The following CPLANE1 variants were observed in gnomAD, a reference collection of about 807,000 sequenced individuals.
CPLANE1 encodes the protein ciliogenesis and planar polarity effector complex subunit 1, also known as ciliogenesis and planar polarity effector 1.
Under a neutral mutation model 362.5 loss-of-function variants are expected in CPLANE1, and 263 were observed. The ratio of observed to expected loss-of-function variants is 0.73; its 90% CI spans 0.66 to 0.80. The LOEUF is 0.80. CPLANE1 is among the 30% of genes least tolerant of loss of function. The pLI is 0.00. For missense variants in CPLANE1, 3,461 were observed against 3,793.4 expected, an observed-to-expected ratio of 0.91 and a Z score of 2.30; for synonymous variants, 1,212 against 1,302.6, an observed-to-expected ratio of 0.93 and a Z score of 1.50.
At chr5:37,228,422 AG>A (rs1434788067) in intron 9 of CPLANE1, among the ~76,000 whole-genome samples, 1 of 152,178 alleles carries the variant, frequency 6.6e-6, no homozygotes, top group Admixed American at 6.5e-5. Flanking sequence ...TTTTCTGGTT[AG>A]GCAACTATTC....
intron 2 of CPLANE1, 47 bp downstream of exon 2, chr5:37,247,571 A>G (rs1379769409): frequency 6.7e-7 from 1 of 1,482,088 alleles, no homozygotes; most frequent in African/African-American, 1.4e-5. Context: ...CAAAACACAC[A>G]TATAACATAT....
At chr5:37,120,156 T>G in intron 50 of CPLANE1, 60 bp downstream of exon 50, 9 of 1,535,520 alleles carry the variant, frequency 5.9e-6, no homozygotes, top group South Asian at 2.5e-5. Flanking sequence ...AAACACAACT[T>G]TGGAGACAAG....
At chr5:37,248,793 G>A (rs1469891687) in intron 1 of CPLANE1, among the ~76,000 whole-genome samples, 1 of 152,218 alleles carries the variant, frequency 6.6e-6, no homozygotes, top group Non-Finnish European at 1.5e-5. Flanking sequence ...TAGTATCAGC[G>A]CTGCTAAAAT....
At chr5:37,165,207 G>T (rs1030893575) in intron 36 of CPLANE1, among the ~76,000 whole-genome samples, 2 of 152,178 alleles carry the variant, frequency 1.3e-5, no homozygotes, top group Non-Finnish European at 2.9e-5. Flanking sequence ...TCAGAGAACG[G>T]TGAAACTGTA....
At chr5:37,085,998 A>G in the CPLANE1 span, 1 of 592,024 alleles carries the variant, frequency 1.7e-6, no homozygotes, top group African/African-American at 1.9e-5. Flanking sequence ...CAACAGGAAA[A>G]TATCACAATC....
downstream of CPLANE1, among the ~76,000 whole-genome samples, chr5:37,102,049 G>T: frequency 6.6e-6 from 1 of 151,650 alleles, no homozygotes; most frequent in Non-Finnish European, 1.5e-5. Flanking sequence ...ACAACTCCTG[G>T]ATTAATTTTT....
At chr5:37,085,889 A>T in the CPLANE1 span, 1 of 868,956 alleles carries the variant, frequency 1.2e-6, no homozygotes, top group Non-Finnish European at 1.9e-6. Context: ...CTTTGTACAT[A>T]ATTAAAAATA....
At chr5:37,239,028 G>A in intron 7 of CPLANE1, 68 bp from the exon 8 acceptor site, 1 of 773,224 alleles carries the variant, frequency 1.3e-6, no homozygotes, top group Non-Finnish European at 2.0e-6. Flanking sequence ...TTATAATTCT[G>A]GTGACACAGA....
intron 20 of CPLANE1, among the ~76,000 whole-genome samples, chr5:37,198,340 A>ACCCACAGAAGGC (rs1298992957): frequency 6.6e-6 from 1 of 152,182 alleles, no homozygotes; most frequent in Non-Finnish European, 1.5e-5. Flanking sequence ...CATTCTCTGA[A>ACCCACAGAAGGC]CCCACAGAAG....
chr5:37,244,103 G>A (rs1738666393), intron 5 of CPLANE1, among the ~76,000 whole-genome samples: 1 of 152,004 alleles, frequency 6.6e-6, no homozygotes, highest in Non-Finnish European at 1.5e-5. Flanking sequence ...ACCCGCCTCA[G>A]CCTCCCAAAG....
At chr5:37,079,885 T>C in the CPLANE1 span, among the ~76,000 whole-genome samples, 2 of 152,222 alleles carry the variant, frequency 1.3e-5, no homozygotes, top group Non-Finnish European at 2.9e-5. Context: ...TGTTGAGAAA[T>C]GGAAAATGGT....
chr5:37,086,874 G>T, the CPLANE1 span, among the ~76,000 whole-genome samples: 3 of 152,152 alleles, frequency 2.0e-5, no homozygotes, highest in Admixed American at 1.3e-4. Flanking sequence ...TCCCCCACAG[G>T]TGGTGACCCC....
intron 31 of CPLANE1, among the ~76,000 whole-genome samples, chr5:37,175,208 G>A (rs1780834719): frequency 6.6e-6 from 1 of 152,178 alleles, no homozygotes; most frequent in Admixed American, 6.5e-5. Flanking sequence ...CACTCAGGAA[G>A]GCCTTGGGAC....
intron 46 of CPLANE1, among the ~76,000 whole-genome samples, chr5:37,129,971 T>C (rs1435421259): frequency 2.0e-5 from 3 of 152,150 alleles, no homozygotes; most frequent in Non-Finnish European, 2.9e-5. Flanking sequence ...CAATTCGCAA[T>C]TGCAAAAATA....
chr5:37,104,548 C>T (rs978765267), downstream of CPLANE1, among the ~76,000 whole-genome samples: 2 of 151,560 alleles, frequency 1.3e-5, no homozygotes, highest in African/African-American at 4.9e-5. Flanking sequence ...TGTAGTGAGC[C>T]GAGATTGCAC....
intron 17 of CPLANE1, 35 bp downstream of exon 17, chr5:37,206,162 C>T: frequency 7.8e-7 from 1 of 1,289,604 alleles, no homozygotes; most frequent in Non-Finnish European, 1.1e-6. Flanking sequence ...ATAGTTCAAT[C>T]ATACTATATC....
rs1034392885 is a variant in CPLANE1 at position 37,179,295 on chromosome 5, C to G, written c.5820+66G>C. ...TATATTTAATAACAATGAATAAAAA[C>G]ATGTATAATTTAAACACTATACAAA... is the stretch of plus-strand genomic sequence containing the variant. On this transcript the variant is annotated intron_variant, in intron 29 of 52. Transcript: ENST00000651892. 6 of 1,010,378 alleles carry G rather than the reference C, an allele frequency of 5.9e-6. No individual in the cohort carries two copies. The African/African-American group carries it at 9.9e-5, about 17-fold the overall frequency. 62.6% of individuals were successfully genotyped at this position (1,010,378 alleles called of 1,614,324 possible).
chr5:37,100,444 C>G, the CPLANE1 span, among the ~76,000 whole-genome samples: 1 of 152,036 alleles, frequency 6.6e-6, no homozygotes, highest in African/African-American at 2.4e-5. Flanking sequence ...TTTTTGAGTT[C>G]TCTATTCTGT....
At chr5:37,089,623 C>A in the CPLANE1 span, among the ~76,000 whole-genome samples, 6 of 152,242 alleles carry the variant, frequency 3.9e-5, 1 homozygote, top group Admixed American at 3.3e-4. Flanking sequence ...GCTATTAATG[C>A]CAATTTGCAA....
Sources: allele counts gnomAD v4.1 joint callset (sites outside exome capture counted in the v4.1 genomes callset), GRCh38; gene constraint gnomAD v4.1.1; transcripts MANE v1.5; gene names NCBI Gene and HGNC (gene_info 2026-07-23, HGNC 2026-07-21).